Variants in ERC1 observed in about 807,000 individuals in gnomAD.
ERC1 encodes ELKS/RAB6-interacting/CAST family member 1.
ERC1 carries 56 observed loss-of-function variants against 132.0 expected under a neutral mutation model. The ratio of observed to expected loss-of-function variants is 0.42; its 90% CI spans 0.34 to 0.53. The LOEUF (loss-of-function observed/expected upper bound fraction) is 0.53, where lower values mean the gene tolerates loss of function less well. Ranked by LOEUF, ERC1 falls within the 20% of genes least tolerant of loss-of-function variation. ERC1 has a pLI of 0.03. For missense variants in ERC1, 1,202 were observed against 1,349.9 expected (o/e 0.89, Z 1.72); for synonymous variants, 478 against 476.1 (o/e 1.00, Z -0.05).
chr12:1,363,308 A>G (rs1212867905), intron 15 of ERC1, among the ~76,000 whole-genome samples: 1 of 152,208 alleles, frequency 6.6e-6, no homozygotes, highest in African/African-American at 2.4e-5. Flanking sequence ...AGTCTTCTAA[A>G]CTTGCCATAA....
chr12:1,466,249 C>A (rs7973276), intron 18 of ERC1, among the ~76,000 whole-genome samples: 2,580 of 152,286 alleles, frequency 0.017, 83 homozygotes, highest in African/African-American at 0.06. Context: ...TGCCTGCTCG[C>A]TGTGTCCTCA....
At chr12:1,183,229 ACC>A (rs1463277456) in intron 10 of ERC1, 50 bp from the exon 11 acceptor site, 8 of 1,255,580 alleles carry the variant, frequency 6.4e-6, no homozygotes, top group Non-Finnish European at 7.5e-6. Flanking sequence ...AAAAATTTAA[ACC>A]TCTATTTTTT....
At chr12:1,469,950 C>T (rs1030713204) in intron 18 of ERC1, among the ~76,000 whole-genome samples, 3 of 151,206 alleles carry the variant, frequency 2.0e-5, no homozygotes, top group Admixed American at 6.6e-5. Flanking sequence ...AGGTATGCCC[C>T]GGGGTCACTC....
chr12:1,025,680 G>A (rs1966851962), intron 1 of ERC1, among the ~76,000 whole-genome samples: 1 of 151,868 alleles, frequency 6.6e-6, no homozygotes, highest in Non-Finnish European at 1.5e-5. Context: ...TTCTCAAAGA[G>A]CAACAAGTAT....
In ERC1 at chr12:1,304,999, A is replaced by C. The variant is rs1428289874; in HGVS notation, c.2780+14987A>C. Reference sequence around the variant, plus strand: ...AGAGACGGGTTTCACCGTGTTGGCCAGGATGGTCTCGATCTCCGGATCCAC... The same window carrying C: ...AGAGACGGGTTTCACCGTGTTGGCCCGGATGGTCTCGATCTCCGGATCCAC... On this transcript the variant is annotated intron_variant, in intron 15 of 18. Transcript: ENST00000360905. 1.7e-4 allele frequency among the ~76,000 whole-genome samples: 26 copies of C among 151,194 alleles called. 1 individual carries two copies. The highest frequency in any genetic ancestry group is 1.7e-3 in the Admixed American group (26 of 15,170).
At chr12:1,001,795 G>C (rs1962346414) in intron 1 of ERC1, among the ~76,000 whole-genome samples, 1 of 151,056 alleles carries the variant, frequency 6.6e-6, no homozygotes, top group Admixed American at 6.6e-5. Context: ...TGGATATTTA[G>C]GTTGTTTCTA....
At chr12:1,050,313 AG>A (rs1437128527) in intron 2 of ERC1, among the ~76,000 whole-genome samples, 2 of 152,222 alleles carry the variant, frequency 1.3e-5, no homozygotes, top group African/African-American at 4.8e-5. Context: ...GAGACAGGGA[AG>A]TGGTGGTAGC....
intron 2 of ERC1, among the ~76,000 whole-genome samples, chr12:1,033,386 G>A (rs185442005): frequency 1.4e-3 from 209 of 151,736 alleles, no homozygotes; most frequent in African/African-American, 4.8e-3. Context: ...GACCAGACTG[G>A]TCTTGAACTC....
intron 7 of ERC1, among the ~76,000 whole-genome samples, chr12:1,133,362 C>T (rs776788921): frequency 2.0e-5 from 3 of 152,096 alleles, no homozygotes; most frequent in Non-Finnish European, 4.4e-5. Flanking sequence ...GTAGAAGGGT[C>T]ACCAGATTCA....
chr12:1,433,965 T>A (rs2092877643), intron 17 of ERC1, among the ~76,000 whole-genome samples: 2 of 124,748 alleles, frequency 1.6e-5, no homozygotes, highest in Non-Finnish European at 3.2e-5. Context: ...GGCGACAGAG[T>A]GAGACCCTGT....
chr12:1,012,073 G>T (rs1166294114), intron 1 of ERC1, among the ~76,000 whole-genome samples: 2 of 152,142 alleles, frequency 1.3e-5, no homozygotes, highest in Non-Finnish European at 2.9e-5. Context: ...ATTTCTCAAT[G>T]AAGTGAGTAC....
At chr12:1,412,921 C>A (rs2091924447) in intron 17 of ERC1, among the ~76,000 whole-genome samples, 1 of 152,192 alleles carries the variant, frequency 6.6e-6, no homozygotes, top group South Asian at 2.1e-4. Flanking sequence ...ACATCATCGT[C>A]TAATCCAGTG....
intron 1 of ERC1, among the ~76,000 whole-genome samples, chr12:995,506 A>T: frequency 6.6e-6 from 1 of 152,142 alleles, no homozygotes; most frequent in Non-Finnish European, 1.5e-5. Flanking sequence ...TGAATTGGAG[A>T]TGGTAATTCA....
Position 1,492,087 on chromosome 12 carries a change from C to T in ERC1, c.*1857C>T. ...ACTGACATGGTCAGATTTCCAGCTCCCCCTACTCCCTGCTGTGAAACAATC... is the reference window on the plus strand; with the variant it reads ...ACTGACATGGTCAGATTTCCAGCTCTCCCTACTCCCTGCTGTGAAACAATC... On this transcript the variant is annotated 3_prime_UTR_variant, in exon 19 of 19. Transcript: ENST00000360905. The T allele has an allele frequency of 4.3e-6, 1 of 233,170 alleles. No individual in the cohort carries two copies. The highest frequency in any genetic ancestry group is 8.5e-6 in the Non-Finnish European group (1 of 117,988). 14.4% of individuals were successfully genotyped at this position (233,170 alleles called of 1,614,324 possible).
chr12:1,403,941 TCTTTC>T (rs2091278699), intron 16 of ERC1, among the ~76,000 whole-genome samples: 1 of 152,238 alleles, frequency 6.6e-6, no homozygotes, highest in Non-Finnish European at 1.5e-5. Flanking sequence ...TGTATATGCC[TCTTTC>T]CTTTCTTCTA....
chr12:1,061,992 T>C (rs533087191), intron 2 of ERC1, among the ~76,000 whole-genome samples: 68 of 140,498 alleles, frequency 4.8e-4, no homozygotes, highest in East Asian at 1.6e-3. Flanking sequence ...TTTTCTTCTT[T>C]TTTTTTTTTT....
intron 7 of ERC1, among the ~76,000 whole-genome samples, chr12:1,122,697 A>ATCTCT (rs1947705818): frequency 9.4e-6 from 1 of 106,732 alleles, no homozygotes; most frequent in Non-Finnish European, 2.2e-5. Context: ...ATATCTATCT[A>ATCTCT]AATCTCTGAA....
intron 7 of ERC1, among the ~76,000 whole-genome samples, chr12:1,132,249 C>A (rs1221251294): frequency 6.6e-6 from 1 of 152,096 alleles, no homozygotes; most frequent in East Asian, 1.9e-4. Flanking sequence ...ACAAAGTGTA[C>A]ACAGGTGATG....
chr12:1,433,264 C>T (rs1407667410), intron 17 of ERC1, among the ~76,000 whole-genome samples: 1 of 152,204 alleles, frequency 6.6e-6, no homozygotes, highest in African/African-American at 2.4e-5. Context: ...ACACAGCATG[C>T]TTTCCTGGAA....
Sources: allele counts gnomAD v4.1 joint callset (sites outside exome capture counted in the v4.1 genomes callset), GRCh38; gene constraint gnomAD v4.1.1; transcripts MANE v1.5; gene names NCBI Gene and HGNC (gene_info 2026-07-23, HGNC 2026-07-21).